NCAPH: variants seen among roughly 807,000 people sequenced by gnomAD.
The protein encoded by NCAPH is condensin complex subunit 2.
In NCAPH, 38 loss-of-function variants were observed where a neutral mutation model predicts 85.5. That is an observed-to-expected ratio of 0.44 (90% CI 0.34 to 0.58). The LOEUF (loss-of-function observed/expected upper bound fraction) is 0.58, where lower values mean the gene tolerates loss of function less well. Ranked by LOEUF, NCAPH falls within the 20% of genes least tolerant of loss-of-function variation. The pLI, the probability that NCAPH is intolerant of heterozygous loss-of-function variation, is 0.01. For missense variants in NCAPH, 789 were observed against 916.6 expected (o/e 0.86, Z 1.80); for synonymous variants, 301 against 335.1 (o/e 0.90, Z 1.11).
intron 12 of NCAPH, among the ~76,000 whole-genome samples, chr2:96,361,040 C>CTTTTTTTT (rs760283642): frequency 3.5e-5 from 3 of 86,750 alleles, no homozygotes; most frequent in Admixed American, 1.5e-4. Flanking sequence ...TTGCTTTCTC[C>CTTTTTTTT]TTTTTTTTTT....
intron 14 of NCAPH, among the ~76,000 whole-genome samples, chr2:96,366,912 C>T (rs915450262): frequency 1.3e-5 from 2 of 150,204 alleles, no homozygotes; most frequent in Non-Finnish European, 3.0e-5. Flanking sequence ...AGTTTGAGAC[C>T]GCGTGGCCAA....
At chr2:96,353,013 G>T (rs951591911) in intron 7 of NCAPH, among the ~76,000 whole-genome samples, 1 of 152,212 alleles carries the variant, frequency 6.6e-6, no homozygotes, top group African/African-American at 2.4e-5. Flanking sequence ...ATTCATTTCA[G>T]AATCGAATGT....
rs2064303923 is a variant in NCAPH at position 96,342,100 on chromosome 2, C to T, written c.323C>T (p.Thr108Met). 2 of 1,610,384 alleles carry T rather than the reference C, an allele frequency of 1.2e-6. No individual in the cohort carries two copies. Among genetic ancestry groups the T allele is most frequent in the Non-Finnish European group, 1.7e-6 (2 of 1,177,762 alleles). Residue 108 changes from threonine (T) to methionine (M), a missense_variant, in exon 3 of 18, where the codon ACG becomes ATG. Transcript: ENST00000240423. The stretch of plus-strand genomic sequence containing the variant: ...CCCAAGTTTACAAACACGCAGATTA[C>T]GGAACATTACTCCACCTGTATCAAA... ...TIPKFTNTQI[T>M]EHYSTCIKLS...
In NCAPH at chr2:96,367,248, C is replaced by G. The variant is rs2064712899; in HGVS notation, c.1882-9C>G. The stretch of plus-strand genomic sequence containing the variant: ...TGCTTAGTTTTACTTTGTCATATAC[C>G]TATTTCAGGTAAATAAAATTGAAAT... On this transcript the variant is annotated splice_polypyrimidine_tract_variant and intron_variant, in intron 14 of 17. Transcript: ENST00000240423. 1 of 1,573,756 alleles carries G rather than the reference C, an allele frequency of 6.4e-7. No homozygotes were observed. Among genetic ancestry groups the G allele is most frequent in the Non-Finnish European group, 8.7e-7 (1 of 1,144,254 alleles).
Position 96,365,980 on chromosome 2 carries a change from G to A in NCAPH, c.1803G>A (p.Gln601=), listed in dbSNP as rs377576873. 6.2e-6 allele frequency: 10 copies of A among 1,614,062 alleles called. No individual in the cohort carries two copies. The highest frequency in any genetic ancestry group is 8.5e-6 in the Non-Finnish European group (10 of 1,180,044). ...GCCATCCACCTAAGACAGCACAACA[G>A]AATGGTGACACTCCAGAAGCCCAAG... is the stretch of plus-strand genomic sequence containing the variant. The part of the protein sequence containing the change: ...YPCHPPKTAQ[Q]NGDTPEAQGL... Residue 601 remains glutamine (Q), a synonymous_variant, in exon 14 of 18, where the codon CAG becomes CAA. Transcript: ENST00000240423.
rs137944444 is a variant in NCAPH at position 96,374,314 on chromosome 2, G to A, written c.*963G>A. Among the ~76,000 whole-genome samples, 3 of 152,322 alleles carry A rather than the reference G, an allele frequency of 2.0e-5. No homozygotes were observed. The highest frequency in any genetic ancestry group is 2.9e-5 in the Non-Finnish European group (2 of 68,036). On this transcript the variant is annotated 3_prime_UTR_variant, in exon 18 of 18. Transcript: ENST00000240423. ...ATACAGGCTCAGCAGTGGGTGGAGA[G>A]CAGTGCTCAGATTTGTCCATCTCCA...
At chr2:96,340,008 C>T (rs1336778809) in intron 1 of NCAPH, among the ~76,000 whole-genome samples, 2 of 152,158 alleles carry the variant, frequency 1.3e-5, no homozygotes, top group African/African-American at 4.8e-5. Flanking sequence ...CTACAGCCTC[C>T]GTCTCCCGGG....
rs953164162 is a variant in NCAPH at position 96,374,486 on chromosome 2, C to T, written c.*1135C>T. 1.3e-5 allele frequency among the ~76,000 whole-genome samples: 2 copies of T among 152,222 alleles called. No individual in the cohort carries two copies. The highest frequency in any genetic ancestry group is 2.9e-5 in the Non-Finnish European group (2 of 68,040). ...GGCTGGTCCTGGATCTCTGCCAGAA[C>T]ACCCGTCATCATTGACTGGCTAAAT... On this transcript the variant is annotated 3_prime_UTR_variant, in exon 18 of 18. Coordinates refer to ENST00000240423, the MANE Select transcript of NCAPH (RefSeq NM_015341.5).
At chr2:96,352,833 C>T (rs1293039387) in intron 7 of NCAPH, among the ~76,000 whole-genome samples, 1 of 152,198 alleles carries the variant, frequency 6.6e-6, no homozygotes, top group Non-Finnish European at 1.5e-5. Flanking sequence ...TTTGTGCTAA[C>T]GATCTATTTT....
chr2:96,364,551 A>G lies in NCAPH; in HGVS notation c.1658A>G (p.Asn553Ser), dbSNP rs766296287. 1.2e-6 allele frequency: 2 copies of G among 1,613,802 alleles called. No individual in the cohort carries two copies. The highest frequency in any genetic ancestry group is 2.2e-5 in the South Asian group (2 of 91,066). ...HYEEIEDYDY[N>S]NPNDTSNFCP... Reference sequence around the variant, plus strand: ...GAAGAAATTGAAGACTATGATTACAACAACCCTAACGACACCTCCAACTTT... The same window carrying G: ...GAAGAAATTGAAGACTATGATTACAGCAACCCTAACGACACCTCCAACTTT... The change falls in exon 13 of 18, where the codon AAC becomes AGC. Residue 553 changes from asparagine (N) to serine (S), a missense_variant. Coordinates refer to ENST00000240423, the MANE Select transcript of NCAPH (RefSeq NM_015341.5).
At chr2:96,360,536 GT>G (rs1360568028) in intron 11 of NCAPH, 51 bp from the exon 12 acceptor site, 1 of 1,602,200 alleles carries the variant, frequency 6.2e-7, no homozygotes, top group East Asian at 2.2e-5. Flanking sequence ...AAAGTAAGAT[GT>G]TTTGCCCACT....
chr2:96,372,809 G>A (rs1396448692), intron 17 of NCAPH, among the ~76,000 whole-genome samples: 2 of 152,096 alleles, frequency 1.3e-5, no homozygotes, highest in African/African-American at 4.8e-5. Context: ...TTGATCATAA[G>A]TATGTATGTA....
rs190878472 is a variant in NCAPH at position 96,356,740 on chromosome 2, G to T, written c.1209-2305G>T. The stretch of plus-strand genomic sequence containing the variant: ...ATCACGTTACCATCCCCGGGTGATT[G>T]TGTTCTGCACCCAGGGCTGAAAACC... On this transcript the variant is annotated intron_variant, in intron 9 of 17. Coordinates refer to ENST00000240423, the MANE Select transcript of NCAPH (RefSeq NM_015341.5). Among the ~76,000 whole-genome samples, 423 of 152,282 alleles carry T rather than the reference G, an allele frequency of 2.8e-3. 2 individuals carry two copies. The highest frequency in any genetic ancestry group is 4.9e-3 in the Non-Finnish European group (336 of 68,036).
In NCAPH at chr2:96,351,682, A is replaced by C. The variant is rs1009747851; in HGVS notation, c.721-149A>C. On this transcript the variant is annotated intron_variant, in intron 6 of 17. Coordinates refer to ENST00000240423, the MANE Select transcript of NCAPH (RefSeq NM_015341.5). The stretch of plus-strand genomic sequence containing the variant: ...GACTCCATCTCAAAAAAAAAAAAAA[A>C]AAACAAAAACAAACCACTTTTGACC... 95 of 661,304 alleles carry C rather than the reference A, an allele frequency of 1.4e-4. 1 individual carries two copies. The highest frequency in any genetic ancestry group is 2.1e-4 in the Non-Finnish European group (89 of 426,350). 41.0% of individuals were successfully genotyped at this position (661,304 alleles called of 1,614,324 possible).
chr2:96,350,437 T>A (rs992603092), intron 6 of NCAPH, among the ~76,000 whole-genome samples: 3 of 152,148 alleles, frequency 2.0e-5, no homozygotes, highest in Non-Finnish European at 4.4e-5. Flanking sequence ...AAACCATTAC[T>A]CTGGATAGCA....
chr2:96,371,836 C>G (rs1449042274), intron 17 of NCAPH, among the ~76,000 whole-genome samples: 1 of 152,202 alleles, frequency 6.6e-6, no homozygotes, highest in Non-Finnish European at 1.5e-5. Flanking sequence ...TTGACCTCCT[C>G]TTGGACTTCT....
chr2:96,354,140 G>GT, intron 8 of NCAPH, 43 bp from the exon 9 acceptor site: 2 of 1,585,048 alleles, frequency 1.3e-6, no homozygotes, highest in Non-Finnish European at 1.7e-6. Context: ...ATTTGGGGTG[G>GT]TTATAGGAAT....
At chr2:96,373,242 C>A in intron 17 of NCAPH, 50 bp from the exon 18 acceptor site, 1 of 1,491,572 alleles carries the variant, frequency 6.7e-7, no homozygotes, top group South Asian at 1.1e-5. Flanking sequence ...ATTTATGATT[C>A]TTTTATTCTC....
At chr2:96,342,021 A>G (rs1399996889) in intron 2 of NCAPH, 29 bp from the exon 3 acceptor site, 1 of 1,605,022 alleles carries the variant, frequency 6.2e-7, no homozygotes, top group Non-Finnish European at 8.5e-7. Flanking sequence ...GATTCTTGCC[A>G]GAGTTGTTTG....
Sources: allele counts gnomAD v4.1 joint callset (sites outside exome capture counted in the v4.1 genomes callset), GRCh38; gene constraint gnomAD v4.1.1; transcripts MANE v1.5; gene names NCBI Gene and HGNC (gene_info 2026-07-23, HGNC 2026-07-21).